The following PPARG variants were observed in gnomAD, a reference collection of about 807,000 sequenced individuals.
PPARG encodes peroxisome proliferator-activated receptor gamma.
A neutral mutation model predicts 39.2 loss-of-function variants in PPARG; 17 were observed. The ratio of observed to expected loss-of-function variants is 0.43; its 90% CI spans 0.30 to 0.65. The LOEUF (loss-of-function observed/expected upper bound fraction) is 0.65. Among genes scored for constraint, PPARG ranks in the 30% least tolerant of loss-of-function variants. PPARG has a pLI of 0.13. For missense variants in PPARG, 406 were observed against 585.9 expected (o/e 0.69, Z 3.17); for synonymous variants, 223 against 215.7 (o/e 1.03, Z -0.30).
intron 2 of PPARG, among the ~76,000 whole-genome samples, chr3:12,364,078 T>A (rs1186424489): frequency 6.6e-6 from 1 of 151,924 alleles, no homozygotes; most frequent in Admixed American, 6.6e-5. Flanking sequence ...TCAAAGTCCA[T>A]AGTCTACATT....
In PPARG at chr3:12,416,863, T is replaced by G; in HGVS notation, c.889T>G (p.Tyr297Asp). The change falls in exon 7 of 8, where the codon TAT becomes GAT. Residue 297 changes from tyrosine to aspartate, a missense_variant. Around this residue, in one of 2 missense-constraint regions of PPARG, gnomAD observed 275 missense variants for 458.0 expected, o/e 0.60. Transcript: ENST00000651735. Reference sequence around the variant, plus strand: ...GGAGGCTGTGCAGGAGATCACAGAGTATGCCAAAAGCATTCCTGGTTTTGT... The same window carrying G: ...GGAGGCTGTGCAGGAGATCACAGAGGATGCCAAAAGCATTCCTGGTTTTGT... ...SVEAVQEITE[Y>D]AKSIPGFVNL... The G allele has an allele frequency of 6.2e-7, 1 of 1,614,086 alleles. No homozygotes were observed. Among genetic ancestry groups the G allele is most frequent in the Non-Finnish European group, 8.5e-7 (1 of 1,179,978 alleles).
At chr3:12,351,709 TG>T in intron 2 of PPARG, 1 of 1,522,264 alleles carries the variant, frequency 6.6e-7, no homozygotes, top group East Asian at 2.3e-5. Flanking sequence ...ATTGGGGACG[TG>T]GGGGCATTTA....
At chr3:12,367,887 TA>T (rs1420968641) in intron 2 of PPARG, among the ~76,000 whole-genome samples, 2 of 151,310 alleles carry the variant, frequency 1.3e-5, no homozygotes, top group Non-Finnish European at 3.0e-5. Context: ...AAAATAATAG[TA>T]AAATTAAATA....
At chr3:12,294,417 T>G (rs1202819280) in intron 1 of PPARG, among the ~76,000 whole-genome samples, 1 of 152,220 alleles carries the variant, frequency 6.6e-6, no homozygotes, top group Non-Finnish European at 1.5e-5. Flanking sequence ...CTTCATTATA[T>G]CTTGTATTTC....
chr3:12,335,748 C>CACGT (rs983799409), intron 2 of PPARG, among the ~76,000 whole-genome samples: 2 of 152,128 alleles, frequency 1.3e-5, no homozygotes, highest in African/African-American at 4.8e-5. Context: ...TTCACCCCAC[C>CACGT]ACGTTCTAAT....
At chr3:12,374,784 G>T (rs1258725098) in intron 2 of PPARG, among the ~76,000 whole-genome samples, 1 of 152,144 alleles carries the variant, frequency 6.6e-6, no homozygotes, top group East Asian at 1.9e-4. Flanking sequence ...GGGACAGGAG[G>T]CTGGGGAAGG....
intron 2 of PPARG, among the ~76,000 whole-genome samples, chr3:12,346,627 C>T (rs1411709616): frequency 6.6e-6 from 1 of 151,334 alleles, no homozygotes; most frequent in Non-Finnish European, 1.5e-5. Flanking sequence ...GATACATTTA[C>T]TGGAGTTATT....
chr3:12,381,536 A>G (rs747687206), intron 4 of PPARG, 45 bp downstream of exon 4: 3 of 1,587,588 alleles, frequency 1.9e-6, no homozygotes, highest in Non-Finnish European at 2.6e-6. Flanking sequence ...AAACTTTATT[A>G]TTTCATTTCA....
intron 2 of PPARG, among the ~76,000 whole-genome samples, chr3:12,327,421 C>A (rs189412144): frequency 6.6e-6 from 1 of 152,250 alleles, no homozygotes; most frequent in East Asian, 1.9e-4. Context: ...TAAAGAGAAG[C>A]CTAAAGAACA....
intron 1 of PPARG, among the ~76,000 whole-genome samples, chr3:12,300,136 C>T (rs1468535946): frequency 1.3e-5 from 2 of 152,066 alleles, no homozygotes; most frequent in Non-Finnish European, 2.9e-5. Context: ...ATATACAGGG[C>T]CGTGAAATGT....
intron 5 of PPARG, among the ~76,000 whole-genome samples, chr3:12,394,450 A>G (rs903292127): frequency 6.6e-6 from 1 of 152,200 alleles, no homozygotes; most frequent in Non-Finnish European, 1.5e-5. Flanking sequence ...TGGATGGTAT[A>G]ATTTTCTCCT....
intron 2 of PPARG, among the ~76,000 whole-genome samples, chr3:12,352,771 C>T (rs1467117195): frequency 2.0e-5 from 3 of 152,264 alleles, no homozygotes; most frequent in East Asian, 1.9e-4. Context: ...TCCTGAAGTA[C>T]TGTTTTATTT....
intron 2 of PPARG, among the ~76,000 whole-genome samples, chr3:12,318,627 T>C (rs560437347): frequency 6.6e-6 from 1 of 152,312 alleles, no homozygotes; most frequent in South Asian, 2.1e-4. Flanking sequence ...TTCTCAACTT[T>C]CTGTTTGGGG....
intron 2 of PPARG, among the ~76,000 whole-genome samples, chr3:12,350,713 T>C (rs1383672241): frequency 1.3e-5 from 2 of 152,226 alleles, no homozygotes; most frequent in African/African-American, 2.4e-5. Flanking sequence ...TATTTTTTTC[T>C]GGTGGTGTGT....
intron 6 of PPARG, among the ~76,000 whole-genome samples, chr3:12,408,912 C>T (rs2050777577): frequency 6.6e-6 from 1 of 152,106 alleles, no homozygotes; most frequent in Admixed American, 6.5e-5. Flanking sequence ...ATCTGTGTTA[C>T]TGGAGGACAC....
At chr3:12,407,880 T>C (rs1024304944) in intron 6 of PPARG, among the ~76,000 whole-genome samples, 2 of 152,182 alleles carry the variant, frequency 1.3e-5, no homozygotes, top group African/African-American at 4.8e-5. Flanking sequence ...TGGATTCAAT[T>C]CTTTACAGTA....
chr3:12,391,799 A>G (rs10510420), intron 4 of PPARG, among the ~76,000 whole-genome samples: 2 of 152,118 alleles, frequency 1.3e-5, no homozygotes, highest in Non-Finnish European at 2.9e-5. Flanking sequence ...GGCCAGATAC[A>G]TTTGAAAGAA....
chr3:12,302,916 A>G (rs2124959504), intron 1 of PPARG, among the ~76,000 whole-genome samples: 1 of 152,310 alleles, frequency 6.6e-6, no homozygotes, highest in East Asian at 1.9e-4. Flanking sequence ...GGAAGGGCAG[A>G]TGTGGACGAT....
At chr3:12,295,408 T>C (rs2046753758) in intron 1 of PPARG, among the ~76,000 whole-genome samples, 1 of 152,216 alleles carries the variant, frequency 6.6e-6, no homozygotes. Flanking sequence ...ATAGGATTAC[T>C]ACATGTTTTC....
Sources: allele counts gnomAD v4.1 joint callset (sites outside exome capture counted in the v4.1 genomes callset), GRCh38; gene constraint gnomAD v4.1.1; regional missense constraint gnomAD v4.1.1; transcripts MANE v1.5; gene names NCBI Gene and HGNC (gene_info 2026-07-23, HGNC 2026-07-21).